The following SLC39A11 variants were observed in gnomAD, a reference collection of about 807,000 sequenced individuals.
SLC39A11 encodes zinc transporter ZIP11.
A neutral mutation model predicts 36.1 loss-of-function variants in SLC39A11; 33 were observed. The observed-to-expected ratio is 0.91, with a 90% CI of 0.69 to 1.22. The LOEUF is 1.22. Among genes scored for constraint, SLC39A11 ranks in the 50% most tolerant of loss-of-function variants. SLC39A11 has a pLI of 0.00. For missense variants in SLC39A11, 432 were observed against 430.3 expected, an observed-to-expected ratio of 1.00 and a Z score of -0.03; for synonymous variants, 166 against 170.3, an observed-to-expected ratio of 0.97 and a Z score of 0.20.
intron 5 of SLC39A11, among the ~76,000 whole-genome samples, chr17:72,892,422 A>C (rs1441913260): frequency 6.6e-6 from 1 of 151,762 alleles, no homozygotes; most frequent in Admixed American, 6.6e-5. Flanking sequence ...AAAAAAAAAA[A>C]AAAAATCTTA....
chr17:72,818,106 G>A (rs186028918), intron 6 of SLC39A11, among the ~76,000 whole-genome samples: 4 of 152,278 alleles, frequency 2.6e-5, no homozygotes, highest in African/African-American at 9.6e-5. Context: ...GACACATGAG[G>A]ATTATGGGAA....
chr17:72,847,852 G>A (rs1347381943), intron 6 of SLC39A11, among the ~76,000 whole-genome samples: 1 of 152,168 alleles, frequency 6.6e-6, no homozygotes, highest in East Asian at 1.9e-4. Context: ...AAAATGTCAT[G>A]ACTAGAAAGC....
intron 7 of SLC39A11, among the ~76,000 whole-genome samples, chr17:72,694,401 C>T (rs930187854): frequency 1.3e-5 from 2 of 152,234 alleles, no homozygotes; most frequent in Non-Finnish European, 2.9e-5. Context: ...CCCATCGTGG[C>T]TTCCTTCTCT....
At chr17:72,913,109 C>T (rs953080917) in intron 5 of SLC39A11, among the ~76,000 whole-genome samples, 1 of 151,732 alleles carries the variant, frequency 6.6e-6, no homozygotes, top group African/African-American at 2.4e-5. Flanking sequence ...TATAATATGC[C>T]ATATTATATA....
At chr17:72,707,481 C>T (rs980346108) in intron 7 of SLC39A11, among the ~76,000 whole-genome samples, 1 of 152,142 alleles carries the variant, frequency 6.6e-6, no homozygotes, top group African/African-American at 2.4e-5. Context: ...ACAATGTGGA[C>T]CTGTCCCAAG....
At chr17:72,859,204 C>T (rs1175433077) in intron 5 of SLC39A11, among the ~76,000 whole-genome samples, 1 of 152,178 alleles carries the variant, frequency 6.6e-6, no homozygotes, top group Non-Finnish European at 1.5e-5. Flanking sequence ...TTGTAAACAA[C>T]ACAGGAGTTT....
intron 4 of SLC39A11, among the ~76,000 whole-genome samples, chr17:72,950,775 A>C (rs139875479): frequency 1.7e-4 from 26 of 152,328 alleles, no homozygotes; most frequent in Admixed American, 1.3e-3. Context: ...CAGCTTACAG[A>C]GACCCTGGTT....
chr17:72,965,773 G>A (rs745526222), intron 4 of SLC39A11, among the ~76,000 whole-genome samples: 8 of 152,180 alleles, frequency 5.3e-5, no homozygotes, highest in Non-Finnish European at 8.8e-5. Context: ...AATCATGCAG[G>A]GAGATACAAG....
chr17:72,680,810 G>A (rs1250769202), intron 7 of SLC39A11, among the ~76,000 whole-genome samples: 2 of 152,166 alleles, frequency 1.3e-5, no homozygotes, highest in African/African-American at 4.8e-5. Flanking sequence ...TTTTACAGCT[G>A]AACAATATTC....
intron 7 of SLC39A11, among the ~76,000 whole-genome samples, chr17:72,650,590 C>A (rs1330548644): frequency 1.3e-5 from 2 of 152,162 alleles, no homozygotes; most frequent in Non-Finnish European, 2.9e-5. Context: ...CAAGAAGCAG[C>A]CCCTCCATGA....
In SLC39A11 at chr17:72,782,070, T is replaced by G. The variant is rs917542922; in HGVS notation, c.602-45351A>C. On this transcript the variant is annotated intron_variant, in intron 6 of 9. Transcript: ENST00000255559. Reference sequence around the variant, plus strand: ...GGGCGCCTGGCAGATATAATTAAGGTAAGGATCTTGAGGTGAGATCATCCT... The same window carrying G: ...GGGCGCCTGGCAGATATAATTAAGGGAAGGATCTTGAGGTGAGATCATCCT... Among the ~76,000 whole-genome samples, 4 of 152,086 alleles carry G rather than the reference T, an allele frequency of 2.6e-5. No homozygotes were observed. In the East Asian group the frequency reaches 5.8e-4, roughly 22 times the overall value.
chr17:72,786,929 C>G (rs376368881), intron 6 of SLC39A11, among the ~76,000 whole-genome samples: 6 of 151,890 alleles, frequency 4.0e-5, no homozygotes, highest in African/African-American at 1.5e-4. Context: ...AAGTGATTCT[C>G]CTGCCTCAGC....
At chr17:72,980,293 C>T (rs1453408030) in intron 4 of SLC39A11, among the ~76,000 whole-genome samples, 1 of 152,040 alleles carries the variant, frequency 6.6e-6, no homozygotes, top group East Asian at 1.9e-4. Context: ...TAGGAGACCC[C>T]GTCTGTAATA....
At chr17:72,941,354 C>A (rs563895457) in intron 5 of SLC39A11, among the ~76,000 whole-genome samples, 5 of 152,270 alleles carry the variant, frequency 3.3e-5, no homozygotes, top group Admixed American at 1.3e-4. Flanking sequence ...AAGAAACCGA[C>A]CAATCTTGCC....
intron 4 of SLC39A11, among the ~76,000 whole-genome samples, chr17:72,978,012 C>T (rs1271987851): frequency 6.6e-6 from 1 of 152,218 alleles, no homozygotes; most frequent in Non-Finnish European, 1.5e-5. Flanking sequence ...ATGTCAGTCT[C>T]CGAGCAAGCT....
At position 72,863,974 on chromosome 17, in the gene SLC39A11, AG is replaced by A. The variant is rs1211982241; in HGVS notation, c.431-14171del. Among the ~76,000 whole-genome samples, 9 of 152,298 alleles carry A rather than the reference AG, an allele frequency of 5.9e-5. No homozygotes were observed. The South Asian group carries it at 1.9e-3, about 32-fold the overall frequency. On this transcript the variant is annotated intron_variant, in intron 5 of 9. Transcript: ENST00000255559. Reference sequence around the variant, plus strand: ...GGGAAAACCCATAAAACATCTCTAAAGTTGAGTCACTGTATAAACCACTGAG... The same window carrying A: ...GGGAAAACCCATAAAACATCTCTAAATTGAGTCACTGTATAAACCACTGAG...
intron 3 of SLC39A11, among the ~76,000 whole-genome samples, chr17:73,079,006 T>C (rs1159906373): frequency 6.6e-6 from 1 of 152,174 alleles, no homozygotes; most frequent in Non-Finnish European, 1.5e-5. Flanking sequence ...ATTTACATCA[T>C]TGCTTTTTCT....
intron 4 of SLC39A11, among the ~76,000 whole-genome samples, chr17:72,963,417 A>G (rs865986989): frequency 8.0e-5 from 12 of 150,876 alleles, no homozygotes; most frequent in African/African-American, 1.2e-4. Context: ...TGATCCGCCC[A>G]CCTCAGCCTC....
intron 7 of SLC39A11, among the ~76,000 whole-genome samples, chr17:72,723,353 T>TGTGTGTGTG (rs1567987031): frequency 2.0e-5 from 3 of 148,904 alleles, no homozygotes; most frequent in Non-Finnish European, 3.0e-5. Flanking sequence ...TGTGTGTGTG[T>TGTGTGTGTG]TTGCAGCCTA....
Sources: gnomAD v4.1 joint callset for allele counts (sites outside exome capture counted in the v4.1 genomes callset) on GRCh38, gnomAD v4.1.1 for gene constraint, MANE v1.5 for transcripts, NCBI Gene and HGNC (gene_info 2026-07-23, HGNC 2026-07-21) for gene names.